UGGT2: variants seen among roughly 807,000 people sequenced by gnomAD.
The protein encoded by UGGT2 is UDP-glucose glycoprotein glucosyltransferase 2.
A neutral mutation model predicts 192.1 loss-of-function variants in UGGT2; 180 were observed. The observed-to-expected ratio is 0.94, with a 90% CI of 0.83 to 1.06. The LOEUF (loss-of-function observed/expected upper bound fraction) is 1.06. Ranked by LOEUF, UGGT2 falls within the 50% of genes least tolerant of loss-of-function variation. The pLI, the probability that UGGT2 is intolerant of heterozygous loss-of-function variation, is 0.00. For missense variants in UGGT2, 1,849 were observed against 1,795.7 expected (o/e 1.03, Z -0.54); for synonymous variants, 580 against 591.0 (o/e 0.98, Z 0.27).
chr13:95,861,072 T>A (rs1003462171), intron 31 of UGGT2, among the ~76,000 whole-genome samples, 189 bp from the exon 32 acceptor site: 5 of 152,134 alleles, frequency 3.3e-5, no homozygotes, highest in South Asian at 2.1e-4. Context: ...AGTTTTTTTT[T>A]AAATTTGTAA....
intron 17 of UGGT2, 102 bp from the exon 18 acceptor site, chr13:95,927,438 G>A: frequency 9.1e-6 from 7 of 770,558 alleles, no homozygotes; most frequent in South Asian, 5.6e-5. Flanking sequence ...AAATAAATAA[G>A]CAATTTAGAA....
At chr13:95,824,658 TC>T (rs1885838208) in intron 38 of UGGT2, among the ~76,000 whole-genome samples, 2 of 152,104 alleles carry the variant, frequency 1.3e-5, no homozygotes, top group African/African-American at 4.8e-5. Context: ...TCTTTATATC[TC>T]TCTAGAAAAT....
At chr13:95,929,501 C>G (rs1299202355) in intron 17 of UGGT2, among the ~76,000 whole-genome samples, 2 of 152,142 alleles carry the variant, frequency 1.3e-5, no homozygotes, top group African/African-American at 4.8e-5. Context: ...ATCTTTATGT[C>G]TATGAGTACC....
At chr13:96,030,010 C>T (rs544149315) in intron 2 of UGGT2, among the ~76,000 whole-genome samples, 1 of 152,148 alleles carries the variant, frequency 6.6e-6, no homozygotes, top group Non-Finnish European at 1.5e-5. Flanking sequence ...CCTCAATCAC[C>T]AAAACTATTA....
At chr13:95,929,317 C>T (rs910417029) in intron 17 of UGGT2, among the ~76,000 whole-genome samples, 6 of 152,088 alleles carry the variant, frequency 3.9e-5, no homozygotes, top group Admixed American at 2.0e-4. Flanking sequence ...ATTTTAGATT[C>T]GAGGGTACAC....
At chr13:95,861,138 G>A (rs1022443401) in intron 31 of UGGT2, among the ~76,000 whole-genome samples, 1 of 151,820 alleles carries the variant, frequency 6.6e-6, no homozygotes, top group African/African-American at 2.4e-5. Flanking sequence ...TTGAATTTTT[G>A]TGAGTTGCCA....
chr13:96,024,639 C>G (rs1594596032), intron 2 of UGGT2, among the ~76,000 whole-genome samples: 1 of 152,186 alleles, frequency 6.6e-6, no homozygotes, highest in African/African-American at 2.4e-5. Flanking sequence ...GTATAGGCAT[C>G]CATAGAGGCT....
At chr13:95,872,802 G>T (rs1891332274) in intron 29 of UGGT2, among the ~76,000 whole-genome samples, 2 of 152,154 alleles carry the variant, frequency 1.3e-5, no homozygotes, top group South Asian at 4.1e-4. Flanking sequence ...TAGTAAAGAA[G>T]ATAAAATAGA....
chr13:95,915,984 G>C (rs565549217), intron 20 of UGGT2, among the ~76,000 whole-genome samples: 1 of 152,288 alleles, frequency 6.6e-6, no homozygotes, highest in South Asian at 2.1e-4. Context: ...GCCGGCTCTG[G>C]AGAGTCCAAA....
At chr13:95,843,255 C>A (rs1162574522) in intron 36 of UGGT2, among the ~76,000 whole-genome samples, 1 of 152,190 alleles carries the variant, frequency 6.6e-6, no homozygotes, top group Admixed American at 6.5e-5. Context: ...TATGCGAATT[C>A]TAGCAGGTAT....
intron 36 of UGGT2, among the ~76,000 whole-genome samples, chr13:95,846,052 A>C (rs1888400700): frequency 6.6e-6 from 1 of 152,136 alleles, no homozygotes; most frequent in Non-Finnish European, 1.5e-5. Flanking sequence ...CAATCTCGGC[A>C]CTTTGGGAGG....
intron 36 of UGGT2, among the ~76,000 whole-genome samples, chr13:95,846,431 AG>A (rs1173676733): frequency 5.5e-5 from 7 of 126,282 alleles, no homozygotes; most frequent in East Asian, 2.7e-4. Context: ...GGAGGAGGGG[AG>A]GGGGGGAGGA....
chr13:96,041,834 T>TC (rs2053173222), intron 1 of UGGT2, among the ~76,000 whole-genome samples: 1 of 151,894 alleles, frequency 6.6e-6, no homozygotes, highest in Admixed American at 6.6e-5. Context: ...GACCTAGGAA[T>TC]CCCACCCCCA....
chr13:95,985,264 A>G, intron 9 of UGGT2: 1 of 1,277,968 alleles, frequency 7.8e-7, no homozygotes, highest in Non-Finnish European at 1.0e-6. Context: ...GTTTTATTAT[A>G]TAAATGACGA....
intron 38 of UGGT2, among the ~76,000 whole-genome samples, chr13:95,815,777 C>G (rs1013989524): frequency 6.6e-6 from 1 of 152,160 alleles, no homozygotes; most frequent in Non-Finnish European, 1.5e-5. Context: ...GGCCAATAAG[C>G]ACAACGATAT....
intron 12 of UGGT2, among the ~76,000 whole-genome samples, chr13:95,952,321 A>C (rs577258158): frequency 1.3e-5 from 2 of 152,282 alleles, no homozygotes; most frequent in Admixed American, 1.3e-4. Flanking sequence ...AGATTTTGGC[A>C]AAAGATATAC....
At position 95,895,312 on chromosome 13, in the gene UGGT2, TA is replaced by T. The variant is rs750585286; in HGVS notation, c.2635-9del. 7.3e-7 allele frequency: 1 copy of T among 1,373,594 alleles called. No homozygotes were observed. Among genetic ancestry groups the T allele is most frequent in the Admixed American group, 2.4e-5 (1 of 41,764 alleles). The allele number at this position is 1,373,594 out of a possible 1,614,324, so 85.1% of individuals were successfully genotyped here. ...ATCTAAAGGTCCTAAGAACTTAAAATAAAAACAGTTATATTATCATATATCT... is the reference window on the plus strand; with the variant it reads ...ATCTAAAGGTCCTAAGAACTTAAAATAAAACAGTTATATTATCATATATCT... On this transcript the variant is annotated splice_polypyrimidine_tract_variant and intron_variant, in intron 22 of 38. Coordinates refer to ENST00000376747, the MANE Select transcript of UGGT2 (RefSeq NM_020121.4).
chr13:95,966,629 T>C (rs1227029490), intron 12 of UGGT2, among the ~76,000 whole-genome samples: 3 of 152,198 alleles, frequency 2.0e-5, no homozygotes, highest in Non-Finnish European at 2.9e-5. Flanking sequence ...ATTTCATCAT[T>C]ACACACCTTA....
At chr13:95,984,547 C>A (rs1328146073) in intron 9 of UGGT2, among the ~76,000 whole-genome samples, 6 of 152,138 alleles carry the variant, frequency 3.9e-5, no homozygotes, top group South Asian at 4.1e-4. Flanking sequence ...CCGGGTTGGT[C>A]TAAAACTCCT....
Sources: gnomAD v4.1 joint callset for allele counts (sites outside exome capture counted in the v4.1 genomes callset) on GRCh38, gnomAD v4.1.1 for gene constraint, MANE v1.5 for transcripts, NCBI Gene and HGNC (gene_info 2026-07-23, HGNC 2026-07-21) for gene names.